The following NBEAL1 variants were observed in gnomAD, a reference collection of about 807,000 sequenced individuals.
The protein encoded by NBEAL1 is neurobeachin-like protein 1.
NBEAL1 carries 273 observed loss-of-function variants against 351.3 expected under a neutral mutation model. The observed-to-expected ratio is 0.78, with a 90% CI of 0.70 to 0.86. NBEAL1 has a LOEUF of 0.86. Among genes scored for constraint, NBEAL1 ranks in the 40% least tolerant of loss-of-function variants. NBEAL1 has a pLI of 0.00. For missense variants in NBEAL1, 2,961 were observed against 3,201.3 expected (o/e 0.92, Z 1.81); for synonymous variants, 1,050 against 1,086.4 (o/e 0.97, Z 0.66).
chr2:203,146,229 A>G (rs1178406174), intron 33 of NBEAL1, among the ~76,000 whole-genome samples: 1 of 152,156 alleles, frequency 6.6e-6, no homozygotes, highest in Non-Finnish European at 1.5e-5. Flanking sequence ...TATATTTATT[A>G]AAGAAATATA....
chr2:203,099,748 T>A lies in NBEAL1; in HGVS notation c.1269+36T>A, dbSNP rs768013055. 11 of 1,366,992 alleles carry A rather than the reference T, an allele frequency of 8.0e-6. No individual in the cohort carries two copies. In the South Asian group the frequency reaches 1.2e-4, roughly 15 times the overall value. The allele number at this position is 1,366,992 out of a possible 1,614,324, so 84.7% of individuals were successfully genotyped here. On this transcript the variant is annotated intron_variant, in intron 12 of 55. Transcript: ENST00000683969. ...TATCCTCCAGCTTTTTTTTTTTTCT[T>A]AACTTTTATTTTAGGTTCAGGGGTA...
chr2:203,069,623 G>A (rs2061648310), intron 7 of NBEAL1, among the ~76,000 whole-genome samples: 1 of 152,172 alleles, frequency 6.6e-6, no homozygotes, highest in South Asian at 2.1e-4. Context: ...TTATCCCAAA[G>A]TATTGTATAT....
intron 10 of NBEAL1, among the ~76,000 whole-genome samples, chr2:203,089,252 G>A (rs192482739): frequency 7.9e-5 from 12 of 151,844 alleles, no homozygotes; most frequent in Admixed American, 6.6e-4. Context: ...CCAGCTATTC[G>A]GGAGGCTGAG....
chr2:203,197,323 C>T lies in NBEAL1; in HGVS notation c.7060C>T (p.Leu2354=), dbSNP rs777737730. 6.3e-7 allele frequency: 1 copy of T among 1,594,902 alleles called. No homozygotes were observed. Among genetic ancestry groups the T allele is most frequent in the African/African-American group, 1.3e-5 (1 of 74,748 alleles). Residue 2354 remains leucine, a synonymous_variant, in exon 48 of 56, where the codon CTA becomes TTA. Coordinates refer to ENST00000683969, the MANE Select transcript of NBEAL1 (RefSeq NM_001378026.1). ...FIEGISDGIP[L]LKATIPKNQY... ...ATAGGGGATTAGTGATGGTATTCCA[C>T]TATTAAAGGCCACCATCCCCAAAAA...
Position 203,108,123 on chromosome 2 carries a change from C to A in NBEAL1, c.1884C>A (p.Cys628Ter). Residue 628 changes from cysteine (C) to a stop codon, truncating the protein, a stop_gained, in exon 14 of 56, where the codon TGC (cysteine) becomes TGA (stop). Transcript: ENST00000683969. LOFTEE classifies it high-confidence loss of function. The stretch of plus-strand genomic sequence containing the variant: ...CCTTTTCTTTCAGTGCTTGGTTTTG[C>A]TTAGACCAGGATCAGTTGACTCTTG... ...GSAFSFSAWF[C>*]LDQDQLTLGI... The A allele has an allele frequency of 6.4e-7, 1 of 1,552,060 alleles. No individual in the cohort carries two copies. The highest frequency in any genetic ancestry group is 8.7e-7 in the Non-Finnish European group (1 of 1,147,086).
intron 35 of NBEAL1, among the ~76,000 whole-genome samples, chr2:203,155,280 T>C (rs960482229): frequency 2.6e-5 from 4 of 152,062 alleles, no homozygotes; most frequent in Non-Finnish European, 4.4e-5. Context: ...TAAGAAATTT[T>C]TTTTGTCTGT....
intron 4 of NBEAL1, among the ~76,000 whole-genome samples, chr2:203,054,317 T>C (rs1025355135): frequency 3.9e-5 from 6 of 151,938 alleles, no homozygotes; most frequent in Non-Finnish European, 7.4e-5. Flanking sequence ...TCCCAGCTAC[T>C]TGGGAGGCTG....
intron 15 of NBEAL1, among the ~76,000 whole-genome samples, chr2:203,111,516 G>A (rs1028537906): frequency 1.3e-5 from 2 of 151,828 alleles, no homozygotes; most frequent in Non-Finnish European, 2.9e-5. Flanking sequence ...GATTATAGGC[G>A]CCTGCCACCA....
intron 16 of NBEAL1, 146 bp from the exon 17 acceptor site, chr2:203,112,869 T>C (rs971502573): frequency 1.2e-6 from 1 of 852,160 alleles, no homozygotes; most frequent in Admixed American, 3.6e-5. Context: ...CTACACTTCA[T>C]GATTTGGTAA....
intron 31 of NBEAL1, among the ~76,000 whole-genome samples, chr2:203,143,436 T>C (rs2063432241): frequency 6.6e-6 from 1 of 152,204 alleles, no homozygotes; most frequent in Non-Finnish European, 1.5e-5. Flanking sequence ...TCAAGCCAAA[T>C]TGACTTAGTT....
At chr2:203,070,659 C>T (rs1312745554) in intron 7 of NBEAL1, among the ~76,000 whole-genome samples, 3 of 152,158 alleles carry the variant, frequency 2.0e-5, no homozygotes, top group African/African-American at 7.2e-5. Flanking sequence ...TCTGGGGAAG[C>T]CTCAGGAGCT....
At chr2:203,145,237 C>A in intron 33 of NBEAL1, 77 bp downstream of exon 33, 2 of 1,237,014 alleles carry the variant, frequency 1.6e-6, no homozygotes, top group Non-Finnish European at 2.2e-6. Context: ...GTAATACAGG[C>A]CCCAAACTTT....
At chr2:203,087,267 AT>A (rs1416225499) in intron 10 of NBEAL1, among the ~76,000 whole-genome samples, 1 of 149,858 alleles carries the variant, frequency 6.7e-6, no homozygotes, top group East Asian at 2.0e-4. Context: ...TAATTTTCAT[AT>A]TTTTAGTAGA....
chr2:203,054,087 G>T (rs1160904794), intron 4 of NBEAL1, among the ~76,000 whole-genome samples: 1 of 152,062 alleles, frequency 6.6e-6, no homozygotes, highest in Non-Finnish European at 1.5e-5. Context: ...CTCCTGAGTA[G>T]CTGGGAGGCA....
At chr2:203,092,727 G>A (rs1188157198) in intron 10 of NBEAL1, among the ~76,000 whole-genome samples, 1 of 152,018 alleles carries the variant, frequency 6.6e-6, no homozygotes, top group African/African-American at 2.4e-5. Context: ...GAATACCAGG[G>A]GTTAATTCTA....
chr2:203,174,216 CA>C (rs10652390), intron 41 of NBEAL1, among the ~76,000 whole-genome samples: 2,378 of 24,420 alleles, frequency 0.097, 9 homozygotes, highest in Non-Finnish European at 0.16. Flanking sequence ...TTTATACTAG[CA>C]AAAAAAAAAA....
chr2:203,180,574 C>G, intron 43 of NBEAL1, 62 bp downstream of exon 43: 1 of 1,441,780 alleles, frequency 6.9e-7, no homozygotes, highest in Non-Finnish European at 9.3e-7. Context: ...TCAAAAATGT[C>G]TTTCAGGACA....
At chr2:203,084,645 A>G (rs1294640218) in intron 10 of NBEAL1, 76 bp downstream of exon 10, 4 of 736,620 alleles carry the variant, frequency 5.4e-6, no homozygotes, top group African/African-American at 3.7e-5. Flanking sequence ...ACATTTGAAC[A>G]TATTTTTACT....
At chr2:203,043,280 C>T (rs2061172279) in intron 3 of NBEAL1, among the ~76,000 whole-genome samples, 1 of 152,158 alleles carries the variant, frequency 6.6e-6, no homozygotes, top group Admixed American at 6.6e-5. Flanking sequence ...CCACCCACCA[C>T]CACTCCCCAG....
Sources: gnomAD v4.1 joint callset for allele counts (sites outside exome capture counted in the v4.1 genomes callset) on GRCh38, gnomAD v4.1.1 for gene constraint, MANE v1.5 for transcripts, NCBI Gene and HGNC (gene_info 2026-07-23, HGNC 2026-07-21) for gene names.